The following ABTB2 variants were observed in gnomAD, a reference collection of about 807,000 sequenced individuals.
ABTB2 encodes the protein ankyrin repeat and BTB domain containing 2, also known as ankyrin repeat and BTB/POZ domain-containing protein 2.
A neutral mutation model predicts 104.1 loss-of-function variants in ABTB2; 56 were observed. The ratio of observed to expected loss-of-function variants is 0.54; its 90% CI spans 0.43 to 0.67. The LOEUF is 0.67. ABTB2 is among the 30% of genes least tolerant of loss of function. The pLI, the probability that ABTB2 is intolerant of heterozygous loss-of-function variation, is 0.00. For missense variants in ABTB2, 1,279 were observed against 1,407.7 expected (o/e 0.91, Z 1.46); for synonymous variants, 606 against 608.2 (o/e 1.00, Z 0.05).
intron 1 of ABTB2, among the ~76,000 whole-genome samples, chr11:34,297,785 T>C (rs2467366): frequency 1.5e-5 from 1 of 67,642 alleles, no homozygotes; most frequent in African/African-American, 4.8e-5. Flanking sequence ...AAAAAAAAAA[T>C]AAAAATAAAG....
chr11:34,283,001 C>T (rs559892190), intron 1 of ABTB2, among the ~76,000 whole-genome samples: 19 of 149,602 alleles, frequency 1.3e-4, no homozygotes, highest in South Asian at 6.4e-4. Context: ...CTCCGCATCC[C>T]GGGTTCACGC....
chr11:34,320,030 G>A (rs1026197657), intron 1 of ABTB2, among the ~76,000 whole-genome samples: 2 of 152,134 alleles, frequency 1.3e-5, no homozygotes, highest in East Asian at 1.9e-4. Context: ...GATTACAGGC[G>A]TGACCACCGT....
chr11:34,336,699 C>G (rs1468046415), intron 1 of ABTB2, among the ~76,000 whole-genome samples: 1 of 152,050 alleles, frequency 6.6e-6, no homozygotes, highest in South Asian at 2.1e-4. Flanking sequence ...GCAGTTAGAC[C>G]CGGGTTTGTT....
chr11:34,300,106 A>G (rs1854682819), intron 1 of ABTB2, among the ~76,000 whole-genome samples: 1 of 152,208 alleles, frequency 6.6e-6, no homozygotes, highest in South Asian at 2.1e-4. Flanking sequence ...ATGGCTCTTA[A>G]GAATATATTG....
intron 1 of ABTB2, among the ~76,000 whole-genome samples, chr11:34,272,599 C>T (rs1490758151): frequency 3.4e-5 from 5 of 148,960 alleles, no homozygotes; most frequent in African/African-American, 4.9e-5. Context: ...CCCAGCTACT[C>T]GGGAGGCTGA....
At chr11:34,350,891 T>C (rs559528759) in intron 1 of ABTB2, among the ~76,000 whole-genome samples, 5 of 152,212 alleles carry the variant, frequency 3.3e-5, no homozygotes, top group Non-Finnish European at 7.3e-5. Context: ...ATTATTGAGC[T>C]GTGAATTCTG....
intron 1 of ABTB2, among the ~76,000 whole-genome samples, chr11:34,277,438 GT>G (rs1854394022): frequency 1.3e-5 from 2 of 151,364 alleles, no homozygotes. Context: ...TACAAAAGAA[GT>G]TATCAAATAC....
At chr11:34,292,298 C>T (rs1854572291) in intron 1 of ABTB2, among the ~76,000 whole-genome samples, 1 of 152,200 alleles carries the variant, frequency 6.6e-6, no homozygotes, top group South Asian at 2.1e-4. Context: ...TCTAAAACAG[C>T]TGCAGAAGCT....
At position 34,245,156 on chromosome 11, in the gene ABTB2, A is replaced by C. The variant is rs118096473; in HGVS notation, c.884-40466T>G. Among the ~76,000 whole-genome samples the C allele has an allele frequency of 4.1e-3, 620 of 152,310 alleles. 1 individual carries two copies. The highest frequency in any genetic ancestry group is 9.5e-3 in the South Asian group (46 of 4,820). On this transcript the variant is annotated intron_variant, in intron 1 of 16. Coordinates refer to ENST00000435224, the MANE Select transcript of ABTB2 (RefSeq NM_145804.3). ...GCTGATAACAGCCTCTGACTGACAC[A>C]TGCCTCATCTCTGTCTCACATACAT...
intron 1 of ABTB2, among the ~76,000 whole-genome samples, chr11:34,208,620 A>G (rs1003615289): frequency 1.3e-5 from 2 of 152,038 alleles, no homozygotes; most frequent in African/African-American, 4.8e-5. Context: ...CCATTGCTCA[A>G]CTTTTCTCTT....
At chr11:34,248,384 C>T (rs1451617243) in intron 1 of ABTB2, among the ~76,000 whole-genome samples, 1 of 152,020 alleles carries the variant, frequency 6.6e-6, no homozygotes, top group Non-Finnish European at 1.5e-5. Context: ...TGTACCTGGC[C>T]TCTGTTCATT....
intron 3 of ABTB2, among the ~76,000 whole-genome samples, chr11:34,187,491 T>G (rs1388475523): frequency 8.2e-6 from 1 of 122,668 alleles, no homozygotes; most frequent in Non-Finnish European, 1.7e-5. Context: ...CTACCTTATC[T>G]TCTTTGCCTT....
intron 1 of ABTB2, among the ~76,000 whole-genome samples, chr11:34,351,568 A>C (rs1855398505): frequency 6.6e-6 from 1 of 151,198 alleles, no homozygotes; most frequent in Non-Finnish European, 1.5e-5. Flanking sequence ...ATTGAGAACA[A>C]CTTGGAAATT....
intron 3 of ABTB2, among the ~76,000 whole-genome samples, chr11:34,175,802 T>C (rs1852953146): frequency 6.6e-6 from 1 of 152,174 alleles, no homozygotes; most frequent in African/African-American, 2.4e-5. Flanking sequence ...CTGCCGTGAC[T>C]CACCCCTGTT....
chr11:34,345,522 C>T (rs899525997), intron 1 of ABTB2, among the ~76,000 whole-genome samples: 6 of 152,184 alleles, frequency 3.9e-5, no homozygotes, highest in Non-Finnish European at 8.8e-5. Context: ...CCTACACAGT[C>T]CTCAGACTCC....
intron 1 of ABTB2, among the ~76,000 whole-genome samples, chr11:34,277,053 C>T (rs1049394561): frequency 6.6e-6 from 1 of 152,150 alleles, no homozygotes; most frequent in Non-Finnish European, 1.5e-5. Flanking sequence ...AGGGACCTGC[C>T]ACCCCACACA....
At chr11:34,250,737 C>T (rs1000751047) in intron 1 of ABTB2, among the ~76,000 whole-genome samples, 95 of 152,212 alleles carry the variant, frequency 6.2e-4, no homozygotes, top group African/African-American at 2.1e-3. Context: ...CAACCCCAAA[C>T]TTCTTTCTGC....
chr11:34,151,603 C>CA lies in ABTB2; in HGVS notation c.*783dup, dbSNP rs1014775550. Reference sequence around the variant, plus strand: ...TTGGCCCCTAAAACCAGCAGCAAAACAAGAGCTGAGGCCATTCCTACACAG... The same window carrying CA: ...TTGGCCCCTAAAACCAGCAGCAAAACAAAGAGCTGAGGCCATTCCTACACAG... On this transcript the variant is annotated 3_prime_UTR_variant, in exon 17 of 17. Transcript: ENST00000435224. The CA allele has an allele frequency of 6.6e-6, 1 of 152,352 alleles. No homozygotes were observed. The highest frequency in any genetic ancestry group is 2.4e-5 in the African/African-American group (1 of 41,460). 9.4% of individuals were successfully genotyped at this position (152,352 alleles called of 1,614,324 possible).
chr11:34,172,895 C>T (rs186802776), intron 4 of ABTB2, among the ~76,000 whole-genome samples: 80 of 152,332 alleles, frequency 5.3e-4, no homozygotes, highest in Non-Finnish European at 7.1e-4. Context: ...GGCTCTCCTG[C>T]CCCAGTCCCA....
Sources: allele counts gnomAD v4.1 joint callset (sites outside exome capture counted in the v4.1 genomes callset), GRCh38; gene constraint gnomAD v4.1.1; transcripts MANE v1.5; gene names NCBI Gene and HGNC (gene_info 2026-07-23, HGNC 2026-07-21).